SHISA6: variants seen among roughly 807,000 people sequenced by gnomAD.
SHISA6 encodes the protein shisa family member 6.
A neutral mutation model predicts 47.9 loss-of-function variants in SHISA6; 22 were observed. The observed-to-expected ratio is 0.46, with a 90% CI of 0.33 to 0.66. SHISA6 has a LOEUF of 0.66. Ranked by LOEUF, SHISA6 falls within the 30% of genes least tolerant of loss-of-function variation. SHISA6 has a pLI of 0.02. For missense variants in SHISA6, 680 were observed against 764.6 expected (o/e 0.89, Z 1.30); for synonymous variants, 388 against 337.8 (o/e 1.15, Z -1.63).
At chr17:11,403,882 G>A (rs1201430820) in intron 3 of SHISA6, among the ~76,000 whole-genome samples, 2 of 152,208 alleles carry the variant, frequency 1.3e-5, no homozygotes, top group African/African-American at 4.8e-5. Context: ...CTGCCAGTCA[G>A]CCCAGGCATG....
chr17:11,521,615 G>A (rs1363906784), intron 3 of SHISA6, among the ~76,000 whole-genome samples: 3 of 47,428 alleles, frequency 6.3e-5, no homozygotes, highest in Non-Finnish European at 1.3e-4. Flanking sequence ...GAGACCCCAG[G>A]GCAACATAGT....
intron 3 of SHISA6, among the ~76,000 whole-genome samples, chr17:11,505,579 ACTTCCAGGCTCAAGGGG>A (rs2071492179): frequency 6.6e-6 from 1 of 152,228 alleles, no homozygotes; most frequent in Admixed American, 6.5e-5. Flanking sequence ...CTGATCAGTG[ACTTCCAGGCTCAAGGGG>A]CTTCCCAGAG....
chr17:11,354,294 A>G (rs1035741369), intron 2 of SHISA6, among the ~76,000 whole-genome samples: 2 of 152,138 alleles, frequency 1.3e-5, no homozygotes, highest in Non-Finnish European at 2.9e-5. Context: ...TTGCCTTTCC[A>G]GAAAACTCTC....
At position 11,530,882 on chromosome 17, in the gene SHISA6, TTCTTCACCATGGATGGAACTG is replaced by T. The variant is rs560889983; in HGVS notation, c.896-21013_896-20993del. 4.4e-3 allele frequency among the ~76,000 whole-genome samples: 671 copies of T among 152,336 alleles called. 9 individuals are homozygous for T. Among genetic ancestry groups the T allele is most frequent in the Middle Eastern group, 6.8e-3 (2 of 292 alleles). Reference sequence around the variant, plus strand: ...CGTTTCTCACGCTAACAAGCTAACTTTCTTCACCATGGATGGAACTGCACGGCAAATGGTGAACTTCTTAAT... The same window carrying T: ...CGTTTCTCACGCTAACAAGCTAACTTCACGGCAAATGGTGAACTTCTTAAT... On this transcript the variant is annotated intron_variant, in intron 3 of 5. Transcript: ENST00000441885.
At chr17:11,255,538 G>A (rs530961410) in intron 1 of SHISA6, among the ~76,000 whole-genome samples, 1 of 152,196 alleles carries the variant, frequency 6.6e-6, no homozygotes, top group Non-Finnish European at 1.5e-5. Context: ...CTTCTTTGCA[G>A]GCTAGTGGAA....
At chr17:11,386,065 G>A (rs1393979962) in intron 3 of SHISA6, among the ~76,000 whole-genome samples, 1 of 152,160 alleles carries the variant, frequency 6.6e-6, no homozygotes, top group Admixed American at 6.5e-5. Flanking sequence ...GACAAACCAA[G>A]TGATGGGAAG....
intron 3 of SHISA6, among the ~76,000 whole-genome samples, chr17:11,417,739 G>A (rs1195802722): frequency 2.6e-5 from 4 of 152,210 alleles, no homozygotes; most frequent in Admixed American, 6.5e-5. Flanking sequence ...TCTGGAATTG[G>A]AGCTAGCATT....
chr17:11,300,263 A>G (rs775337399), intron 2 of SHISA6, among the ~76,000 whole-genome samples: 1 of 152,146 alleles, frequency 6.6e-6, no homozygotes, highest in Admixed American at 6.5e-5. Flanking sequence ...GTTTACCACA[A>G]TACCCGAAGC....
chr17:11,265,217 C>T (rs1360856635), intron 2 of SHISA6, among the ~76,000 whole-genome samples: 1 of 152,168 alleles, frequency 6.6e-6, no homozygotes, highest in Non-Finnish European at 1.5e-5. Context: ...TAAACAATCT[C>T]CCCAAGGTGA....
chr17:11,469,174 C>T (rs1004291224), intron 3 of SHISA6, among the ~76,000 whole-genome samples: 4 of 152,012 alleles, frequency 2.6e-5, no homozygotes, highest in Admixed American at 6.6e-5. Flanking sequence ...TCAGAACCTG[C>T]GAATATGGTG....
intron 3 of SHISA6, among the ~76,000 whole-genome samples, chr17:11,439,331 G>T (rs568258119): frequency 6.6e-6 from 1 of 152,156 alleles, no homozygotes. Context: ...GTACATCTAC[G>T]GGTGGGGGGC....
intron 3 of SHISA6, among the ~76,000 whole-genome samples, chr17:11,465,636 T>C (rs1191174270): frequency 6.6e-6 from 1 of 152,160 alleles, no homozygotes; most frequent in Non-Finnish European, 1.5e-5. Flanking sequence ...TCTAGAATGT[T>C]GGAGTCATGG....
intron 2 of SHISA6, among the ~76,000 whole-genome samples, chr17:11,366,457 G>A (rs934784448): frequency 6.6e-6 from 1 of 152,222 alleles, no homozygotes. Context: ...TATGTTAAGT[G>A]TAATATGACG....
intron 2 of SHISA6, among the ~76,000 whole-genome samples, chr17:11,326,689 T>C (rs1699493774): frequency 6.6e-6 from 1 of 152,230 alleles, no homozygotes; most frequent in African/African-American, 2.4e-5. Context: ...TTGAGGATGA[T>C]GCAAAGTTTT....
intron 2 of SHISA6, among the ~76,000 whole-genome samples, chr17:11,344,416 A>T (rs1349992039): frequency 6.6e-6 from 1 of 152,174 alleles, no homozygotes; most frequent in Non-Finnish European, 1.5e-5. Context: ...CAAGCTCACT[A>T]AGATTTACTC....
chr17:11,533,873 G>C (rs1331546301), intron 3 of SHISA6, among the ~76,000 whole-genome samples: 2 of 151,816 alleles, frequency 1.3e-5, no homozygotes, highest in African/African-American at 4.8e-5. Context: ...TTACAGGCGT[G>C]AGCCACCGCG....
At chr17:11,492,618 C>T (rs1355253821) in intron 3 of SHISA6, among the ~76,000 whole-genome samples, 1 of 152,134 alleles carries the variant, frequency 6.6e-6, no homozygotes, top group Non-Finnish European at 1.5e-5. Context: ...ATGGTGAGGG[C>T]TCAGTGAACA....
intron 1 of SHISA6, among the ~76,000 whole-genome samples, chr17:11,254,030 G>A (rs1465742225): frequency 6.6e-6 from 1 of 152,168 alleles, no homozygotes; most frequent in Non-Finnish European, 1.5e-5. Flanking sequence ...CACACCTACT[G>A]TAGGAAGTGG....
intron 2 of SHISA6, among the ~76,000 whole-genome samples, chr17:11,273,667 G>A (rs1188739026): frequency 3.3e-5 from 5 of 152,290 alleles, no homozygotes; most frequent in East Asian, 1.9e-4. Context: ...CATAGTCCTC[G>A]TGTAGGCAGT....
Sources: allele counts gnomAD v4.1 joint callset (sites outside exome capture counted in the v4.1 genomes callset), GRCh38; gene constraint gnomAD v4.1.1; transcripts MANE v1.5; gene names NCBI Gene and HGNC (gene_info 2026-07-23, HGNC 2026-07-21).